ATE1: variants seen among roughly 807,000 people sequenced by gnomAD.
ATE1 encodes the protein arginyl-tRNA--protein transferase 1.
A neutral mutation model predicts 70.5 loss-of-function variants in ATE1; 36 were observed. The ratio of observed to expected loss-of-function variants is 0.51; its 90% CI spans 0.39 to 0.67. The LOEUF (loss-of-function observed/expected upper bound fraction) is 0.67, where lower values mean the gene tolerates loss of function less well. ATE1 is among the 30% of genes least tolerant of loss of function. The pLI is 0.00. For synonymous variants in ATE1, 232 were observed against 219.3 expected (o/e 1.06, Z -0.51); for missense variants, 593 against 629.5 (o/e 0.94, Z 0.62).
intron 6 of ATE1, among the ~76,000 whole-genome samples, chr10:121,900,791 G>C (rs1950951776): frequency 6.6e-6 from 1 of 152,162 alleles, no homozygotes; most frequent in Non-Finnish European, 1.5e-5. Flanking sequence ...CATTCAAAAA[G>C]TACAAGTAAC....
intron 10 of ATE1, among the ~76,000 whole-genome samples, chr10:121,808,912 T>C (rs1947204853): frequency 6.6e-6 from 1 of 152,230 alleles, no homozygotes; most frequent in Non-Finnish European, 1.5e-5. Flanking sequence ...TTCTACTCTA[T>C]AGAATACTAA....
intron 11 of ATE1, among the ~76,000 whole-genome samples, chr10:121,769,630 C>T (rs1363453681): frequency 2.6e-5 from 4 of 152,154 alleles, no homozygotes; most frequent in African/African-American, 9.7e-5. Context: ...CCAAAGGACA[C>T]ATATCTGGAA....
At chr10:121,867,636 T>C (rs1402244928) in intron 8 of ATE1, among the ~76,000 whole-genome samples, 1 of 152,164 alleles carries the variant, frequency 6.6e-6, no homozygotes, top group Non-Finnish European at 1.5e-5. Flanking sequence ...GGCCCTTTAC[T>C]GGAAGAGTAA....
At chr10:121,779,371 A>T (rs1160004119) in intron 11 of ATE1, among the ~76,000 whole-genome samples, 1 of 152,070 alleles carries the variant, frequency 6.6e-6, no homozygotes, top group Non-Finnish European at 1.5e-5. Context: ...GCAGCTACTT[A>T]ACACACCTGC....
chr10:121,811,486 A>C (rs1258590844), intron 10 of ATE1, among the ~76,000 whole-genome samples: 2 of 152,236 alleles, frequency 1.3e-5, no homozygotes, highest in African/African-American at 4.8e-5. Flanking sequence ...TTTGGCTATT[A>C]ATTGTAACAC....
At chr10:121,866,976 T>C (rs1949687762) in intron 8 of ATE1, among the ~76,000 whole-genome samples, 1 of 152,160 alleles carries the variant, frequency 6.6e-6, no homozygotes, top group Non-Finnish European at 1.5e-5. Flanking sequence ...CTCTCAATCT[T>C]AAGTAGGTAC....
chr10:121,901,969 T>C (rs143377085), intron 6 of ATE1, among the ~76,000 whole-genome samples: 1 of 152,166 alleles, frequency 6.6e-6, no homozygotes, highest in African/African-American at 2.4e-5. Context: ...TATGACACCA[T>C]TTGCTGTCTT....
rs368457619 is a variant in ATE1 at position 121,850,590 on chromosome 10, C to T, written c.976-9327G>A. 3.3e-5 allele frequency among the ~76,000 whole-genome samples: 5 copies of T among 152,120 alleles called. No individual in the cohort carries two copies. In the East Asian group the frequency reaches 5.8e-4, roughly 18 times the overall value. On this transcript the variant is annotated intron_variant, in intron 8 of 11. Coordinates refer to ENST00000224652, the MANE Select transcript of ATE1 (RefSeq NM_001001976.3). ...ACCCTCTGAAAGGGCCTCAGGGACCCCTGGCATTACCAGACCACACTCTTG... is the reference window on the plus strand; with the variant it reads ...ACCCTCTGAAAGGGCCTCAGGGACCTCTGGCATTACCAGACCACACTCTTG...
intron 3 of ATE1, among the ~76,000 whole-genome samples, chr10:121,918,376 C>T (rs904632296): frequency 2.3e-4 from 35 of 151,304 alleles, no homozygotes; most frequent in African/African-American, 7.3e-4. Context: ...TACAAAGAGA[C>T]GCAATTCAGG....
chr10:121,836,922 C>T, intron 9 of ATE1, 105 bp from the exon 10 acceptor site: 2 of 705,792 alleles, frequency 2.8e-6, no homozygotes, highest in South Asian at 3.7e-5. Context: ...TGGTATTAAG[C>T]TATCAAAAAA....
At chr10:121,917,386 A>T (rs1951703823) in intron 3 of ATE1, among the ~76,000 whole-genome samples, 1 of 152,224 alleles carries the variant, frequency 6.6e-6, no homozygotes, top group Non-Finnish European at 1.5e-5. Context: ...CAAAAAAGAT[A>T]ATTAGTAACT....
rs180769644 is a variant in ATE1 at position 121,865,513 on chromosome 10, C to T, written c.975+4493G>A. 1.2e-4 allele frequency among the ~76,000 whole-genome samples: 18 copies of T among 152,290 alleles called. No individual in the cohort carries two copies. The East Asian group carries it at 3.5e-3, about 29-fold the overall frequency. On this transcript the variant is annotated intron_variant, in intron 8 of 11. Transcript: ENST00000224652. ...ATATATAATCCCTTTTATTTACCCA[C>T]ATTTAATTGAAGACATCTGTAAGTG... is the stretch of plus-strand genomic sequence containing the variant.
At chr10:121,921,736 C>T (rs1951890382) in intron 3 of ATE1, among the ~76,000 whole-genome samples, 2 of 152,292 alleles carry the variant, frequency 1.3e-5, no homozygotes, top group South Asian at 4.1e-4. Context: ...CTCTGTATCC[C>T]TGCTTTCACG....
chr10:121,926,782 T>A, intron 1 of ATE1: 1 of 985,436 alleles, frequency 1.0e-6, no homozygotes, highest in Non-Finnish European at 1.2e-6. Context: ...TTCAGAACTG[T>A]AATCATGTCG....
intron 6 of ATE1, among the ~76,000 whole-genome samples, chr10:121,901,110 A>G (rs184538063): frequency 6.6e-6 from 1 of 152,164 alleles, no homozygotes. Context: ...TATTAAAAAT[A>G]TCAGAAATTA....
At chr10:121,813,912 T>TAAAC (rs1947427612) in intron 10 of ATE1, among the ~76,000 whole-genome samples, 2 of 152,188 alleles carry the variant, frequency 1.3e-5, no homozygotes, top group Non-Finnish European at 2.9e-5. Flanking sequence ...AACGTGGCTG[T>TAAAC]GTACAAAAGT....
At chr10:121,776,999 T>A (rs920807289) in intron 11 of ATE1, among the ~76,000 whole-genome samples, 1 of 152,224 alleles carries the variant, frequency 6.6e-6, no homozygotes, top group Non-Finnish European at 1.5e-5. Context: ...CATCATACAT[T>A]TGTGTAATGT....
chr10:121,862,699 A>G (rs143544470), intron 8 of ATE1, among the ~76,000 whole-genome samples: 8 of 152,020 alleles, frequency 5.3e-5, no homozygotes, highest in Non-Finnish European at 1.0e-4. Context: ...AGCCAAATGA[A>G]TACTACTGAG....
intron 10 of ATE1, among the ~76,000 whole-genome samples, chr10:121,827,053 C>T (rs1354436629): frequency 7.4e-5 from 11 of 149,104 alleles, no homozygotes; most frequent in South Asian, 6.3e-4. Flanking sequence ...CTCTCTCTGT[C>T]GCCAGGCTGG....
Sources: gnomAD v4.1 joint callset for allele counts (sites outside exome capture counted in the v4.1 genomes callset) on GRCh38, gnomAD v4.1.1 for gene constraint, MANE v1.5 for transcripts, NCBI Gene and HGNC (gene_info 2026-07-23, HGNC 2026-07-21) for gene names.